Variants in SH2B1 observed in about 807,000 individuals in gnomAD.
SH2B1 encodes the protein SH2B adapter protein 1.
In SH2B1, 15 loss-of-function variants were observed where a neutral mutation model predicts 62.6. The observed-to-expected ratio is 0.24, with a 90% CI of 0.16 to 0.37. The LOEUF (loss-of-function observed/expected upper bound fraction) is 0.37. Among genes scored for constraint, SH2B1 ranks in the 10% least tolerant of loss-of-function variants. The probability of loss-of-function intolerance (pLI) is 1.00; values close to 1 mark genes in which losing one functional copy is unlikely to be tolerated. For missense variants in SH2B1, 925 were observed against 1,015.6 expected (o/e 0.91, Z 1.21); for synonymous variants, 443 against 438.0 (o/e 1.01, Z -0.14).
Position 28,873,054 on chromosome 16 carries a change from G to T in SH2B1, c.1897+349G>T, listed in dbSNP as rs1015469742. On this transcript the variant is annotated intron_variant, in intron 7 of 7. Transcript: ENST00000684370. The surrounding 1 kb of genome is among the most constrained non-coding windows in gnomAD (Gnocchi z 4.2). ...GCCTGGCCTTGGGCCTGCCCTTCCC[G>T]GGGACACTCGGTCTGATCCCCTTCC... 2.6e-6 allele frequency: 2 copies of T among 759,668 alleles called. No homozygotes were observed. The highest frequency in any genetic ancestry group is 2.9e-5 in the Admixed American group (1 of 34,688). 47.1% of individuals were successfully genotyped at this position (759,668 alleles called of 1,614,324 possible). A position where few individuals can be genotyped will look rare whatever the true frequency, so the allele number is the denominator to read the frequency against.
intron 1 of SH2B1, among the ~76,000 whole-genome samples, chr16:28,855,692 T>C (rs1247539928): frequency 1.3e-5 from 2 of 150,598 alleles, no homozygotes; most frequent in South Asian, 2.1e-4. Flanking sequence ...CGGGCTGGAG[T>C]GCAGTGGAGC....
rs766836953 is a variant in SH2B1, at chr16:28,866,466, A to G, written c.372A>G (p.Arg124=). 1.2e-6 allele frequency: 2 copies of G among 1,613,780 alleles called. No individual in the cohort carries two copies. The highest frequency in any genetic ancestry group is 1.1e-5 in the South Asian group (1 of 91,066). ...GGPLAVLGPS[R]SSEDLAGPLP... ...CCCTGGCTGTGCTGGGCCCTTCTCG[A>G]TCATCTGAGGACCTGGCCGGCCCCC... The change falls in exon 1 of 8, where the codon CGA becomes CGG. Residue 124 remains arginine, a synonymous_variant. Coordinates refer to ENST00000684370, the MANE Select transcript of SH2B1 (RefSeq NM_001387430.1). The surrounding 1 kb of genome is among the most constrained non-coding windows in gnomAD (Gnocchi z 6.3).
In SH2B1 at chr16:28,869,075, A is replaced by C. The variant is rs751114220; in HGVS notation, c.1111A>C (p.Ile371Leu). The C allele has an allele frequency of 1.1e-5, 17 of 1,614,062 alleles. No homozygotes were observed. The highest frequency in any genetic ancestry group is 1.6e-4 in the Middle Eastern group (1 of 6,084). Residue 371 changes from isoleucine to leucine, a missense_variant, in exon 3 of 8, where the codon ATC (isoleucine) becomes CTC (leucine). Coordinates refer to ENST00000684370, the MANE Select transcript of SH2B1 (RefSeq NM_001387430.1). ...GCATGTGAAGGCCTGGGTGTCTGACATCCAAGAATGCCTGAGCCCAGGGTG... is the reference window on the plus strand; with the variant it reads ...GCATGTGAAGGCCTGGGTGTCTGACCTCCAAGAATGCCTGAGCCCAGGGTG... The part of the protein sequence containing the change: ...AQHVKAWVSD[I>L]QECLSPGPCP...
chr16:28,853,495 G>A (rs1320370928), intron 1 of SH2B1, among the ~76,000 whole-genome samples: 1 of 147,092 alleles, frequency 6.8e-6, no homozygotes, highest in African/African-American at 2.5e-5. Flanking sequence ...GAGCCACTAC[G>A]CCCAGCGCCC....
At position 28,865,074 on chromosome 16, in the gene SH2B1, A is replaced by G. The variant is rs1962611431; in HGVS notation, c.-1021A>G. 2.0e-6 allele frequency: 2 copies of G among 985,330 alleles called. No homozygotes were observed. Among genetic ancestry groups the G allele is most frequent in the South Asian group, 9.4e-5 (2 of 21,290 alleles). The allele number at this position is 985,330 out of a possible 1,614,324, so 61.0% of individuals were successfully genotyped here. A position where few individuals can be genotyped will look rare whatever the true frequency, so the allele number is the denominator to read the frequency against. On this transcript the variant is annotated 5_prime_UTR_variant, in exon 1 of 8. Coordinates refer to ENST00000684370, the MANE Select transcript of SH2B1 (RefSeq NM_001387430.1). ...GGTCTGACTCAAGTCCATGGCCTTA[A>G]CCAGAAGGCTAACCTGCCTTTAGGG...
At chr16:28,852,097 G>A (rs1429727341) in intron 1 of SH2B1, among the ~76,000 whole-genome samples, 2 of 148,354 alleles carry the variant, frequency 1.3e-5, no homozygotes, top group African/African-American at 2.5e-5. Flanking sequence ...TTAAAAAAAA[G>A]AGTAAAGAAA....
In SH2B1 at chr16:28,866,862, G is replaced by C. The variant is rs765438636; in HGVS notation, c.768G>C (p.Met256Ile). ...MVQREELLSFMGAEEAAPDPA... is the reference protein window; with the variant it reads ...MVQREELLSFIGAEEAAPDPA... ...AGAGGGAAGAGCTGCTGAGTTTCAT[G>C]GGGGCTGAGGAGGCAGCCCCTGACC... is the stretch of plus-strand genomic sequence containing the variant. Residue 256 changes from methionine (M) to isoleucine (I), a missense_variant, in exon 1 of 8, where the codon ATG becomes ATC. Around this residue, in one of 3 missense-constraint regions of SH2B1, gnomAD observed 683 missense variants for 704.0 expected, o/e 0.97. Coordinates refer to ENST00000684370, the MANE Select transcript of SH2B1 (RefSeq NM_001387430.1). This position sits in a 1 kb window ranked among gnomAD's most constrained non-coding sequence, Gnocchi z 6.3. 1.9e-6 allele frequency: 3 copies of C among 1,608,362 alleles called. No individual in the cohort carries two copies. Among genetic ancestry groups the C allele is most frequent in the Non-Finnish European group, 2.5e-6 (3 of 1,177,394 alleles).
rs181221764 is a variant in SH2B1 at position 28,872,139 on chromosome 16, G to A, written c.1514-51G>A. On this transcript the variant is annotated intron_variant, in intron 5 of 7. Transcript: ENST00000684370. This position sits in a 1 kb window ranked among gnomAD's most constrained non-coding sequence, Gnocchi z 5.3. ...AGGCAAGGCTTTTTTCTCCCAGGAT[G>A]GGGGAGGCTGCCCTGACACCCCGGT... is the stretch of plus-strand genomic sequence containing the variant. 1.6e-5 allele frequency: 25 copies of A among 1,556,408 alleles called. No individual in the cohort carries two copies. The African/African-American group carries it at 2.2e-4, about 14-fold the overall frequency.
chr16:28,849,105 A>ATTTTGT (rs1341922140), intron 1 of SH2B1, among the ~76,000 whole-genome samples: 6 of 152,028 alleles, frequency 3.9e-5, no homozygotes, highest in Non-Finnish European at 7.4e-5. Flanking sequence ...GTATAAACAG[A>ATTTTGT]TTTTGTTTTT....
At chr16:28,852,059 T>C (rs1168608493) in intron 1 of SH2B1, among the ~76,000 whole-genome samples, 4 of 147,642 alleles carry the variant, frequency 2.7e-5, no homozygotes, top group Non-Finnish European at 5.9e-5. Flanking sequence ...AGAGTGAGAC[T>C]CTGTCTCAAA....
chr16:28,865,855 A>G lies in SH2B1; in HGVS notation c.-240A>G. 7.7e-7 allele frequency: 1 copy of G among 1,295,218 alleles called. No homozygotes were observed. Among genetic ancestry groups the G allele is most frequent in the African/African-American group, 1.5e-5 (1 of 65,352 alleles). 80.2% of individuals were successfully genotyped at this position (1,295,218 alleles called of 1,614,324 possible). A position where few individuals can be genotyped will look rare whatever the true frequency, so the allele number is the denominator to read the frequency against. ...AGTTGGCTGGGGCCTGCAGGGTGCCAGGATCTGGGAGAGGGAAGGGAGGTG... is the reference window on the plus strand; with the variant it reads ...AGTTGGCTGGGGCCTGCAGGGTGCCGGGATCTGGGAGAGGGAAGGGAGGTG... On this transcript the variant is annotated 5_prime_UTR_variant, in exon 1 of 8. Coordinates refer to ENST00000684370, the MANE Select transcript of SH2B1 (RefSeq NM_001387430.1).
At chr16:28,854,061 T>C (rs1025755295) in intron 1 of SH2B1, among the ~76,000 whole-genome samples, 2 of 124,522 alleles carry the variant, frequency 1.6e-5, no homozygotes, top group South Asian at 2.6e-4. Context: ...GAGGCCAAGG[T>C]AGGAAGATAG....
At position 28,864,211 on chromosome 16, in the gene SH2B1, CCTG is replaced by C; in HGVS notation, c.-1882_-1880del. On this transcript the variant is annotated 5_prime_UTR_variant, in exon 1 of 8. Coordinates refer to ENST00000684370, the MANE Select transcript of SH2B1 (RefSeq NM_001387430.1). ...CGGAGGGTCCGAGCCGAGAGCGGAG[CCTG>C]CACCCTCCACCTCCCGCCCTTCGGG... 1 of 1,032,872 alleles carries C rather than the reference CCTG, an allele frequency of 9.7e-7. No homozygotes were observed. Among genetic ancestry groups the C allele is most frequent in the Non-Finnish European group, 1.2e-6 (1 of 859,020 alleles). The allele number at this position is 1,032,872 out of a possible 1,614,324, so 64.0% of individuals were successfully genotyped here. A position where few individuals can be genotyped will look rare whatever the true frequency, so the allele number is the denominator to read the frequency against.
rs765163246 is a variant in SH2B1 at position 28,869,379 on chromosome 16, G to A, written c.1305G>A (p.Ser435=). 10 of 1,613,204 alleles carry A rather than the reference G, an allele frequency of 6.2e-6. No homozygotes were observed. The African/African-American group carries it at 9.3e-5, about 15-fold the overall frequency. ...CCAGCGAGAGCAATGACCGCCTGTC[G>A]CAGGGTAAGGGTGGAGCCTTAGAGA... ...LGPSESNDRL[S]QGAYGGLSDR... The change falls in exon 4 of 8, where the codon TCG becomes TCA. Residue 435 remains serine, a synonymous_variant. Coordinates refer to ENST00000684370, the MANE Select transcript of SH2B1 (RefSeq NM_001387430.1).
At chr16:28,850,145 G>A (rs979667540) in intron 1 of SH2B1, among the ~76,000 whole-genome samples, 8 of 152,208 alleles carry the variant, frequency 5.3e-5, no homozygotes. Context: ...CTTAAGCAGA[G>A]GAGGGATTTG....
upstream of SH2B1, among the ~76,000 whole-genome samples, chr16:28,860,249 AT>A (rs541257161): frequency 0.026 from 3,436 of 131,908 alleles, 111 homozygotes; most frequent in African/African-American, 0.08. Flanking sequence ...CACTTCTTGA[AT>A]TTTTTTTTTT....
chr16:28,867,483 C>A, intron 2 of SH2B1, 51 bp downstream of exon 2: 1 of 1,397,164 alleles, frequency 7.2e-7, no homozygotes, highest in Non-Finnish European at 1.0e-6. Flanking sequence ...AAGGAGAAAG[C>A]CCTCAGCGCA....
At position 28,866,576 on chromosome 16, in the gene SH2B1, C is replaced by G. The variant is rs1428789802; in HGVS notation, c.482C>G (p.Ser161Cys). Residue 161 changes from serine to cysteine, a missense_variant, in exon 1 of 8, where the codon TCT (serine) becomes TGT (cysteine). Ser to Cys is a moderately radical substitution (Grantham distance 112, BLOSUM62 -1). Transcript: ENST00000684370. This position sits in a 1 kb window ranked among gnomAD's most constrained non-coding sequence, Gnocchi z 6.3. ...KRFSLRSVGRSVRGSVRGILQ... is the reference protein window; with the variant it reads ...KRFSLRSVGRCVRGSVRGILQ... ...TTTTCCCTGCGTTCAGTGGGTCGCTCTGTCCGAGGCTCAGTCCGTGGCATC... is the reference window on the plus strand; with the variant it reads ...TTTTCCCTGCGTTCAGTGGGTCGCTGTGTCCGAGGCTCAGTCCGTGGCATC... 1 of 1,614,092 alleles carries G rather than the reference C, an allele frequency of 6.2e-7. No individual in the cohort carries two copies. The highest frequency in any genetic ancestry group is 2.2e-5 in the East Asian group (1 of 44,858).
At chr16:28,852,193 TATTTATATATTTAC>T (rs1426719938) in intron 1 of SH2B1, among the ~76,000 whole-genome samples, 3 of 127,108 alleles carry the variant, frequency 2.4e-5, no homozygotes, top group Non-Finnish European at 4.7e-5. Context: ...TATATATTTT[TATTTATATATTTAC>T]ATATATATAT....
Sources: allele counts gnomAD v4.1 joint callset (sites outside exome capture counted in the v4.1 genomes callset), GRCh38; gene constraint gnomAD v4.1.1; regional missense constraint gnomAD v4.1.1; non-coding constraint Gnocchi (gnomAD v3.1); transcripts MANE v1.5; gene names NCBI Gene and HGNC (gene_info 2026-07-23, HGNC 2026-07-21).